NSFL1C: variants seen among roughly 807,000 people sequenced by gnomAD.
The protein encoded by NSFL1C is NSFL1 cofactor p47.
Under a neutral mutation model 43.1 loss-of-function variants are expected in NSFL1C, and 14 were observed. That is an observed-to-expected ratio of 0.32 (90% confidence interval 0.21 to 0.51). The LOEUF (loss-of-function observed/expected upper bound fraction) is 0.51. Ranked by LOEUF, NSFL1C falls within the 20% of genes least tolerant of loss-of-function variation. The pLI, the probability that NSFL1C is intolerant of heterozygous loss-of-function variation, is 0.98. For missense variants in NSFL1C, 406 were observed against 472.5 expected, an observed-to-expected ratio of 0.86 and a Z score of 1.30; for synonymous variants, 171 against 183.5, an observed-to-expected ratio of 0.93 and a Z score of 0.55.
chr20:1,445,254 G>A lies in NSFL1C; in HGVS notation c.950+412C>T, dbSNP rs77181974. Among the ~76,000 whole-genome samples, 954 of 152,298 alleles carry A rather than the reference G, an allele frequency of 6.3e-3. 13 individuals carry two copies. Among genetic ancestry groups the A allele is most frequent in the African/African-American group, 0.022 (910 of 41,554 alleles). On this transcript the variant is annotated intron_variant, in intron 8 of 8. Coordinates refer to ENST00000216879, the MANE Select transcript of NSFL1C (RefSeq NM_016143.5). ...GCCCAGTAATTTTCACAGGCCCCTT[G>A]TGGGGAGGGAGGTGGAGGAAGCCAG...
In NSFL1C at chr20:1,442,980, T is replaced by G. The variant is rs1005766153; in HGVS notation, c.*769A>C. On this transcript the variant is annotated 3_prime_UTR_variant, in exon 9 of 9. Coordinates refer to ENST00000216879, the MANE Select transcript of NSFL1C (RefSeq NM_016143.5). ...AAAAATATCCCACCTACCTCCTAGG[T>G]CCACTCAAGACTTCTGCACGTGGAG... The G allele has an allele frequency of 2.0e-5, 3 of 152,102 alleles. No individual in the cohort carries two copies. The highest frequency in any genetic ancestry group is 7.2e-5 in the African/African-American group (3 of 41,400). 9.4% of individuals were successfully genotyped at this position (152,102 alleles called of 1,614,324 possible).
At chr20:1,461,443 G>A (rs2090409884) in intron 2 of NSFL1C, among the ~76,000 whole-genome samples, 1 of 152,168 alleles carries the variant, frequency 6.6e-6, no homozygotes, top group South Asian at 2.1e-4. Flanking sequence ...CAAGAGAGCG[G>A]GCACACCTGA....
At chr20:1,457,129 G>C (rs1034389259) in intron 3 of NSFL1C, 3 of 152,022 alleles carry the variant, frequency 2.0e-5, no homozygotes, top group African/African-American at 7.2e-5. Context: ...AATAGTTGAT[G>C]GGTACATGTC....
At chr20:1,458,495 CAT>C (rs1412514561) in intron 2 of NSFL1C, among the ~76,000 whole-genome samples, 2 of 152,078 alleles carry the variant, frequency 1.3e-5, no homozygotes, top group Non-Finnish European at 2.9e-5. Context: ...AAAGTCCTAT[CAT>C]GAGGTAAAAT....
intron 3 of NSFL1C, among the ~76,000 whole-genome samples, chr20:1,457,452 A>T (rs6033836): frequency 6.6e-6 from 1 of 152,234 alleles, no homozygotes; most frequent in Non-Finnish European, 1.5e-5. Context: ...AACACTTGAA[A>T]TTAACACTTG....
At chr20:1,446,258 A>G (rs941262003) in intron 7 of NSFL1C, 16 of 252,054 alleles carry the variant, frequency 6.3e-5, no homozygotes, top group Admixed American at 2.6e-4. Context: ...CAGCTGAGGC[A>G]GCCTTGGCAC....
Position 1,443,847 on chromosome 20 carries a change from G to A in NSFL1C, c.1015C>T (p.Leu339Phe), listed in dbSNP as rs143700031. The A allele has an allele frequency of 1.2e-6, 2 of 1,613,998 alleles. No homozygotes were observed. Among genetic ancestry groups the A allele is most frequent in the East Asian group, 2.2e-5 (1 of 44,880 alleles). Residue 339 changes from leucine to phenylalanine, a missense_variant, in exon 9 of 9, where the codon CTC becomes TTC. Leu to Phe is a conservative substitution (Grantham distance 22). Coordinates refer to ENST00000216879, the MANE Select transcript of NSFL1C (RefSeq NM_016143.5). ...TCTTTGTTCGGGAAAGTAGTCATGAGGATAAAGCTGGTGGCAGCCATGGCT... is the reference window on the plus strand; with the variant it reads ...TCTTTGTTCGGGAAAGTAGTCATGAAGATAAAGCTGGTGGCAGCCATGGCT... ...RPAMAATSFI[L>F]MTTFPNKELA...
Position 1,455,168 on chromosome 20 carries a change from A to C in NSFL1C, c.279-36T>G. 6.8e-6 allele frequency: 11 copies of C among 1,611,746 alleles called. No homozygotes were observed. The Middle Eastern group carries it at 5.0e-4, about 73-fold the overall frequency. ...AATACACCTCTAACATGAAACACTC[A>C]TGGAAAACATGAATAGAGCATGTGC... On this transcript the variant is annotated intron_variant, in intron 3 of 8. Transcript: ENST00000216879.
At chr20:1,457,342 T>C (rs1014741210) in intron 3 of NSFL1C, among the ~76,000 whole-genome samples, 2 of 152,224 alleles carry the variant, frequency 1.3e-5, no homozygotes, top group African/African-American at 4.8e-5. Context: ...TATATACTTA[T>C]GGTGTACAAA....
At chr20:1,459,098 T>G (rs1012888971) in intron 2 of NSFL1C, among the ~76,000 whole-genome samples, 4 of 152,204 alleles carry the variant, frequency 2.6e-5, no homozygotes, top group African/African-American at 4.8e-5. Context: ...AAAAAAATTC[T>G]GTATTTCTTA....
At chr20:1,461,133 G>A (rs568889686) in intron 2 of NSFL1C, among the ~76,000 whole-genome samples, 1 of 152,310 alleles carries the variant, frequency 6.6e-6, no homozygotes, top group Non-Finnish European at 1.5e-5. Flanking sequence ...TGAGAAACAT[G>A]GCAGAGCTTT....
chr20:1,459,638 A>C (rs1401571906), intron 2 of NSFL1C, among the ~76,000 whole-genome samples: 2 of 152,222 alleles, frequency 1.3e-5, no homozygotes, highest in African/African-American at 4.8e-5. Context: ...AGGATCCATC[A>C]ACTAGAAGTG....
intron 1 of NSFL1C, among the ~76,000 whole-genome samples, chr20:1,465,979 C>T (rs1208672545): frequency 6.6e-6 from 1 of 152,312 alleles, no homozygotes; most frequent in South Asian, 2.1e-4. Context: ...TAGTCATCAC[C>T]GTCATCATCT....
chr20:1,458,299 T>C (rs1465496334), intron 2 of NSFL1C, 25 bp from the exon 3 acceptor site: 1 of 1,593,064 alleles, frequency 6.3e-7, no homozygotes, highest in Admixed American at 1.7e-5. Context: ...AGGAGCAAAA[T>C]GATCTCAGGG....
chr20:1,449,616 C>T (rs1351178822), intron 7 of NSFL1C, among the ~76,000 whole-genome samples: 1 of 152,178 alleles, frequency 6.6e-6, no homozygotes, highest in East Asian at 1.9e-4. Flanking sequence ...TGTGAGGGTG[C>T]TTGATTCACA....
chr20:1,459,716 C>T (rs983540201), intron 2 of NSFL1C, among the ~76,000 whole-genome samples: 1 of 152,150 alleles, frequency 6.6e-6, no homozygotes, highest in African/African-American at 2.4e-5. Flanking sequence ...GAACAGTCTG[C>T]CGGGCATTCC....
In NSFL1C at chr20:1,461,878, T is replaced by C. The variant is rs553939544; in HGVS notation, c.203+2451A>G. On this transcript the variant is annotated intron_variant, in intron 2 of 8. Transcript: ENST00000216879. The stretch of plus-strand genomic sequence containing the variant: ...CAGTGCCTCACTCGTAAATACTCAA[T>C]AAATGGCAGCTGTTATTACTGAGTT... Among the ~76,000 whole-genome samples the C allele has an allele frequency of 3.3e-5, 5 of 152,290 alleles. No homozygotes were observed. In the South Asian group the frequency reaches 1.0e-3, roughly 32 times the overall value.
chr20:1,458,019 G>T, intron 3 of NSFL1C, 181 bp downstream of exon 3: 2 of 520,258 alleles, frequency 3.8e-6, no homozygotes, highest in South Asian at 2.8e-5. Context: ...ACGGAACAGG[G>T]GTCACTTCTA....
At chr20:1,460,925 C>T (rs1207895962) in intron 2 of NSFL1C, among the ~76,000 whole-genome samples, 1 of 152,122 alleles carries the variant, frequency 6.6e-6, no homozygotes, top group Non-Finnish European at 1.5e-5. Context: ...ACCCTGCATA[C>T]AGGGGTGGGA....
Sources: gnomAD v4.1 joint callset for allele counts (sites outside exome capture counted in the v4.1 genomes callset) on GRCh38, gnomAD v4.1.1 for gene constraint, MANE v1.5 for transcripts, NCBI Gene and HGNC (gene_info 2026-07-23, HGNC 2026-07-21) for gene names.